The following RIPOR1 variants were observed in gnomAD, a reference collection of about 807,000 sequenced individuals.
RIPOR1 encodes the protein RHO family interacting cell polarization regulator 1.
A neutral mutation model predicts 116.5 loss-of-function variants in RIPOR1; 58 were observed. The ratio of observed to expected loss-of-function variants is 0.50; its 90% CI spans 0.40 to 0.62. RIPOR1 has a LOEUF of 0.62. Ranked by LOEUF, RIPOR1 falls within the 20% of genes least tolerant of loss-of-function variation. RIPOR1 has a pLI of 0.00. For synonymous variants in RIPOR1, 605 were observed against 650.0 expected (o/e 0.93, Z 1.05); for missense variants, 1,372 against 1,586.2 (o/e 0.86, Z 2.29).
intron 1 of RIPOR1, chr16:67,538,118 T>G: frequency 3.2e-6 from 1 of 314,662 alleles, no homozygotes; most frequent in Non-Finnish European, 5.8e-6. Context: ...CGCCGCCCCT[T>G]TCCTGCCCCT....
chr16:67,540,176 G>A lies in RIPOR1; in HGVS notation c.538G>A (p.Ala180Thr), dbSNP rs1162025059. The A allele has an allele frequency of 1.2e-6, 2 of 1,614,180 alleles. No individual in the cohort carries two copies. The highest frequency in any genetic ancestry group is 1.7e-6 in the Non-Finnish European group (2 of 1,180,006). Residue 180 changes from alanine (A) to threonine (T), a missense_variant, in exon 7 of 22, where the codon GCC becomes ACC. Ala to Thr is a moderately conservative substitution (Grantham distance 58). This residue lies in a region of RIPOR1 where 202 missense variants were observed against 295.9 expected (regional missense o/e 0.68). Coordinates refer to ENST00000042381, the MANE Select transcript of RIPOR1 (RefSeq NM_024519.4). This position sits in a 1 kb window ranked among gnomAD's most constrained non-coding sequence, Gnocchi z 4.7. The part of the protein sequence containing the change: ...SREARDSLAE[A>T]TRGHREYTES... ...AGAGGCCCGGGACAGCCTGGCAGAGGCCACTCGGGGGCATCGCGAGTACAC... is the reference window on the plus strand; with the variant it reads ...AGAGGCCCGGGACAGCCTGGCAGAGACCACTCGGGGGCATCGCGAGTACAC...
chr16:67,535,930 G>A (rs1245825646), intron 1 of RIPOR1, among the ~76,000 whole-genome samples: 1 of 152,162 alleles, frequency 6.6e-6, no homozygotes, highest in Non-Finnish European at 1.5e-5. Flanking sequence ...TGAGGTCCCT[G>A]GACCTCTTGC....
rs749817572 is a variant in RIPOR1, at chr16:67,537,794, G to C, written c.-23-630G>C. Reference sequence around the variant, plus strand: ...GAGCCTCAGGAAAGAGGAGGGGGCGGGGCCCTTCTCGGCATCGCGCCCAGC... The same window carrying C: ...GAGCCTCAGGAAAGAGGAGGGGGCGCGGCCCTTCTCGGCATCGCGCCCAGC... On this transcript the variant is annotated intron_variant, in intron 1 of 21. Coordinates refer to ENST00000042381, the MANE Select transcript of RIPOR1 (RefSeq NM_024519.4). This position sits in a 1 kb window ranked among gnomAD's most constrained non-coding sequence, Gnocchi z 4.6. Among the ~76,000 whole-genome samples, 54 of 152,220 alleles carry C rather than the reference G, an allele frequency of 3.5e-4. 1 individual carries two copies. The East Asian group carries it at 8.9e-3, about 25-fold the overall frequency.
At position 67,541,762 on chromosome 16, in the gene RIPOR1, C is replaced by T; in HGVS notation, c.1060C>T (p.Leu354Phe). The stretch of plus-strand genomic sequence containing the variant: ...CCAGAGCCCACCGGACACACCCTCA[C>T]TTCGGGAACAGGCTTTCTATGTGAG... ...YSQSPPDTPS[L>F]REQAFYNMLR... The change falls in exon 12 of 22, where the codon CTT (leucine) becomes TTT (phenylalanine). Residue 354 changes from leucine (L) to phenylalanine (F), a missense_variant. This residue lies in a region of RIPOR1 where 1,005 missense variants were observed against 1,144.7 expected (regional missense o/e 0.88). Transcript: ENST00000042381. The surrounding 1 kb of genome is among the most constrained non-coding windows in gnomAD (Gnocchi z 4.6). 1.9e-6 allele frequency: 3 copies of T among 1,614,152 alleles called. No individual in the cohort carries two copies. The highest frequency in any genetic ancestry group is 2.5e-6 in the Non-Finnish European group (3 of 1,179,998).
rs1297239669 is a variant in RIPOR1 at position 67,544,482 on chromosome 16, G to T, written c.2733+51G>T. On this transcript the variant is annotated intron_variant, in intron 15 of 21. Transcript: ENST00000042381. This position sits in a 1 kb window ranked among gnomAD's most constrained non-coding sequence, Gnocchi z 5.1. ...CTTCCTTTGTAACCCCTAACCCCAG[G>T]GAGTCCTGCCCTTCCATCCTGGTCC... is the stretch of plus-strand genomic sequence containing the variant. 10 of 1,573,254 alleles carry T rather than the reference G, an allele frequency of 6.4e-6. No individual in the cohort carries two copies. Among genetic ancestry groups the T allele is most frequent in the Non-Finnish European group, 7.8e-6 (9 of 1,159,806 alleles).
chr16:67,544,322 G>T lies in RIPOR1; in HGVS notation c.2624G>T (p.Gly875Val). The T allele has an allele frequency of 6.2e-7, 1 of 1,609,780 alleles. No homozygotes were observed. Among genetic ancestry groups the T allele is most frequent in the East Asian group, 2.2e-5 (1 of 44,706 alleles). Reference protein sequence around the residue: ...GDRPPSSPEAGAEDSIDSPSA... With the variant: ...GDRPPSSPEAVAEDSIDSPSA... ...AGGCCTCCAAGCAGCCCGGAGGCTGGGGCTGAGGACAGCATAGACTCACCC... is the reference window on the plus strand; with the variant it reads ...AGGCCTCCAAGCAGCCCGGAGGCTGTGGCTGAGGACAGCATAGACTCACCC... The change falls in exon 15 of 22, where the codon GGG becomes GTG. Residue 875 changes from glycine to valine, a missense_variant. This residue lies in a region of RIPOR1 where 1,005 missense variants were observed against 1,144.7 expected (regional missense o/e 0.88). Transcript: ENST00000042381. This position sits in a 1 kb window ranked among gnomAD's most constrained non-coding sequence, Gnocchi z 5.1.
rs1334808676 is a variant in RIPOR1, at chr16:67,545,965, T to C, written c.3404T>C (p.Leu1135Pro). Residue 1135 changes from leucine (L) to proline (P), a missense_variant, in exon 20 of 22, where the codon CTG becomes CCG. Leu to Pro is a moderately conservative substitution (Grantham distance 98). Around this residue, in one of 3 missense-constraint regions of RIPOR1, gnomAD observed 1,005 missense variants for 1,144.7 expected, o/e 0.88. Transcript: ENST00000042381. The surrounding 1 kb of genome is among the most constrained non-coding windows in gnomAD (Gnocchi z 4.8). ...CTTCCACAGGCCCTCCTGTGCTTCC[T>C]GGACCAGCTGGAGGATGAGGACGTG... ...TFRERALLCF[L>P]DQLEDEDVQT... is the part of the protein sequence containing the mutation. 1 of 1,614,030 alleles carries C rather than the reference T, an allele frequency of 6.2e-7. No individual in the cohort carries two copies. The highest frequency in any genetic ancestry group is 1.7e-5 in the Admixed American group (1 of 60,022).
rs1463281686 is a variant in RIPOR1, at chr16:67,529,819, G to A, written c.-24+905G>A. 6.5e-7 allele frequency: 1 copy of A among 1,536,014 alleles called. No homozygotes were observed. The highest frequency in any genetic ancestry group is 2.4e-5 in the East Asian group (1 of 40,914). On this transcript the variant is annotated intron_variant, in intron 1 of 21. Coordinates refer to ENST00000042381, the MANE Select transcript of RIPOR1 (RefSeq NM_024519.4). This position sits in a 1 kb window ranked among gnomAD's most constrained non-coding sequence, Gnocchi z 4.1. ...CGGCCAACGCACAGCATCTGAGGAG[G>A]GTTATGACCATCTGGCAGATGCAGA...
chr16:67,523,420 G>A (rs1315585491), intron 1 of RIPOR1, among the ~76,000 whole-genome samples: 1 of 150,588 alleles, frequency 6.6e-6, no homozygotes, highest in East Asian at 2.0e-4. Context: ...CAGCTACTCG[G>A]GAGGCTGAGG....
upstream of RIPOR1, among the ~76,000 whole-genome samples, chr16:67,527,047 G>A (rs922377582): frequency 2.6e-5 from 4 of 152,186 alleles, no homozygotes. Flanking sequence ...TGGGAGCCCT[G>A]AGACTGGATG....
chr16:67,523,103 T>C (rs1300618365), intron 1 of RIPOR1, among the ~76,000 whole-genome samples: 1 of 152,230 alleles, frequency 6.6e-6, no homozygotes, highest in Non-Finnish European at 1.5e-5. Flanking sequence ...TGAACTGGTC[T>C]GTCACTGTGT....
In RIPOR1 at chr16:67,541,677, C is replaced by G; in HGVS notation, c.975C>G (p.Pro325=). 1.2e-6 allele frequency: 2 copies of G among 1,614,090 alleles called. No homozygotes were observed. The highest frequency in any genetic ancestry group is 1.7e-6 in the Non-Finnish European group (2 of 1,179,968). Residue 325 remains proline, a synonymous_variant, in exon 12 of 22, where the codon CCC becomes CCG. Coordinates refer to ENST00000042381, the MANE Select transcript of RIPOR1 (RefSeq NM_024519.4). The surrounding 1 kb of genome is among the most constrained non-coding windows in gnomAD (Gnocchi z 4.6). ...GCCCCTTCGACAAGGATGACCAGCC[C>G]TCAGCTGCTTCTTCTGTCAACAAGG... ...TWSPFDKDDQ[P]SAASSVNKAS...
Position 67,545,444 on chromosome 16 carries a change from G to C in RIPOR1, c.3100G>C (p.Glu1034Gln). Residue 1034 changes from glutamate (E) to glutamine (Q), a missense_variant, in exon 18 of 22, where the codon GAG becomes CAG. Physicochemically the swap from Glu to Gln is conservative, Grantham distance 29. Around this residue, in one of 3 missense-constraint regions of RIPOR1, gnomAD observed 1,005 missense variants for 1,144.7 expected, o/e 0.88. Transcript: ENST00000042381. This position sits in a 1 kb window ranked among gnomAD's most constrained non-coding sequence, Gnocchi z 4.8. ...CAGAAGGCCCCAGCCAGGGCCTGGA[G>C]AGCAGCTCACAGTCTTCCAGTTCTG... is the stretch of plus-strand genomic sequence containing the variant. ...LPRRPQPGPG[E>Q]QLTVFQFWSF... is the part of the protein sequence containing the mutation. The C allele has an allele frequency of 6.2e-7, 1 of 1,614,050 alleles. No homozygotes were observed.
Position 67,537,538 on chromosome 16 carries a change from G to A in RIPOR1, c.-23-886G>A. The A allele has an allele frequency of 7.4e-7, 1 of 1,349,730 alleles. No individual in the cohort carries two copies. Among genetic ancestry groups the A allele is most frequent in the Non-Finnish European group, 9.5e-7 (1 of 1,048,366 alleles). The allele number at this position is 1,349,730 out of a possible 1,614,324, so 83.6% of individuals were successfully genotyped here. ...CGAAGTGGCCAGGGCCGGAAGGTCCGCGGGGGGCGAGCGCGGGTCGGGGGC... is the reference window on the plus strand; with the variant it reads ...CGAAGTGGCCAGGGCCGGAAGGTCCACGGGGGGCGAGCGCGGGTCGGGGGC... On this transcript the variant is annotated intron_variant, in intron 1 of 21. Transcript: ENST00000042381. This position sits in a 1 kb window ranked among gnomAD's most constrained non-coding sequence, Gnocchi z 4.6.
intron 20 of RIPOR1, 43 bp from the exon 21 acceptor site, chr16:67,546,098 A>G (rs1395964543): frequency 8.1e-6 from 10 of 1,236,796 alleles, no homozygotes; most frequent in South Asian, 1.2e-5. Flanking sequence ...AAACCCTCCC[A>G]TCTGCTCCCC....
At chr16:67,538,028 T>C (rs1195745610) in intron 1 of RIPOR1, 2 of 186,942 alleles carry the variant, frequency 1.1e-5, no homozygotes, top group African/African-American at 2.4e-5. Flanking sequence ...CCGGGTGCCC[T>C]GGGGGGGGAA....
chr16:67,542,410 C>T lies in RIPOR1; in HGVS notation c.1624C>T (p.Pro542Ser), dbSNP rs948818771. The change falls in exon 13 of 22, where the codon CCA (proline) becomes TCA (serine). Residue 542 changes from proline (P) to serine (S), a missense_variant. Pro to Ser is a moderately conservative substitution (Grantham distance 74). Transcript: ENST00000042381. The surrounding 1 kb of genome is among the most constrained non-coding windows in gnomAD (Gnocchi z 4.6). ...CACAGACTCTGGCCCTTCAGAACTG[C>T]CAGGCCCCACTCACACCACTACAGG... ...KSTDSGPSEL[P>S]GPTHTTTGST... The T allele has an allele frequency of 6.2e-7, 1 of 1,613,924 alleles. No individual in the cohort carries two copies. The highest frequency in any genetic ancestry group is 8.5e-7 in the Non-Finnish European group (1 of 1,179,948).
At chr16:67,519,435 G>C (rs543500008) in intron 1 of RIPOR1, among the ~76,000 whole-genome samples, 1 of 152,154 alleles carries the variant, frequency 6.6e-6, no homozygotes. Flanking sequence ...GTGGGGAAGT[G>C]AGGAGAGACA....
upstream of RIPOR1, among the ~76,000 whole-genome samples, chr16:67,525,880 G>A (rs2050535758): frequency 6.6e-6 from 1 of 152,132 alleles, no homozygotes; most frequent in African/African-American, 2.4e-5. Flanking sequence ...CAGTTTCTAT[G>A]GGAAGTTCTT....
Sources: gnomAD v4.1 joint callset for allele counts (sites outside exome capture counted in the v4.1 genomes callset) on GRCh38, gnomAD v4.1.1 for gene constraint, gnomAD v4.1.1 regional missense constraint, Gnocchi (gnomAD v3.1) non-coding constraint, MANE v1.5 for transcripts, NCBI Gene and HGNC (gene_info 2026-07-23, HGNC 2026-07-21) for gene names.